Variants in KLHL2 observed in about 807,000 individuals in gnomAD.
The protein encoded by KLHL2 is kelch like family member 2.
Under a neutral mutation model 75.8 loss-of-function variants are expected in KLHL2, and 15 were observed. The ratio of observed to expected loss-of-function variants is 0.20; its 90% confidence interval spans 0.13 to 0.30. KLHL2 has a LOEUF of 0.30. Among genes scored for constraint, KLHL2 ranks in the 10% least tolerant of loss-of-function variants. KLHL2 has a pLI of 1.00. For synonymous variants in KLHL2, 214 were observed against 251.9 expected, an observed-to-expected ratio of 0.85 and a Z score of 1.42; for missense variants, 381 against 741.0, an observed-to-expected ratio of 0.51 and a Z score of 5.64.
rs149247179 is a variant in KLHL2, at chr4:165,288,993, A to G, written c.545-5366A>G. ...ACTAATAGTGATTGGCATCAAGAAC[A>G]TATAAAATAACAGGTGAGCTGCACT... On this transcript the variant is annotated intron_variant, in intron 5 of 14. Transcript: ENST00000226725. Among the ~76,000 whole-genome samples the G allele has an allele frequency of 9.5e-3, 1,450 of 152,308 alleles. 14 individuals are homozygous for G. The highest frequency in any genetic ancestry group is 0.022 in the South Asian group (108 of 4,828).
rs1282753167 is a variant in KLHL2, at chr4:165,263,511, G to T, written c.544+152G>T. 8.3e-6 allele frequency: 8 copies of T among 959,822 alleles called. No individual in the cohort carries two copies. The Admixed American group carries it at 2.4e-4, about 29-fold the overall frequency. 59.5% of individuals were successfully genotyped at this position (959,822 alleles called of 1,614,324 possible). A position where few individuals can be genotyped will look rare whatever the true frequency, so the allele number is the denominator to read the frequency against. On this transcript the variant is annotated intron_variant, in intron 5 of 14. Coordinates refer to ENST00000226725, the MANE Select transcript of KLHL2 (RefSeq NM_007246.4). The stretch of plus-strand genomic sequence containing the variant: ...CTTATAATGGTCACACTGCATAACT[G>T]AAGCATACTCATAAAATTCTGAACT...
chr4:165,297,581 T>A (rs1745012021), intron 6 of KLHL2, 28 bp from the exon 7 acceptor site: 1 of 1,346,854 alleles, frequency 7.4e-7, no homozygotes, highest in African/African-American at 1.4e-5. Flanking sequence ...TCATTTCTTA[T>A]TTTTTCTTCT....
At chr4:165,268,514 C>T (rs115088022) in intron 5 of KLHL2, among the ~76,000 whole-genome samples, 402 of 152,282 alleles carry the variant, frequency 2.6e-3, no homozygotes, top group Non-Finnish European at 4.8e-3. Flanking sequence ...TACATTCTGT[C>T]TTCGTTTTCA....
intron 4 of KLHL2, among the ~76,000 whole-genome samples, chr4:165,245,041 C>T (rs1047095859): frequency 6.6e-6 from 1 of 152,096 alleles, no homozygotes; most frequent in Non-Finnish European, 1.5e-5. Context: ...AACCTCATCT[C>T]CACTAAAATT....
chr4:165,263,521 C>T (rs1741873075), intron 5 of KLHL2, among the ~76,000 whole-genome samples, 162 bp downstream of exon 5: 2 of 152,000 alleles, frequency 1.3e-5, no homozygotes, highest in South Asian at 2.1e-4. Context: ...GAAGCATACT[C>T]ATAAAATTCT....
intron 5 of KLHL2, among the ~76,000 whole-genome samples, chr4:165,275,819 C>A (rs1044007095): frequency 3.3e-5 from 5 of 152,174 alleles, no homozygotes; most frequent in African/African-American, 9.7e-5. Context: ...AACAGGACTA[C>A]CTGTGGAGAA....
intron 4 of KLHL2, among the ~76,000 whole-genome samples, chr4:165,246,486 G>T (rs1019607849): frequency 2.0e-5 from 3 of 152,046 alleles, no homozygotes; most frequent in African/African-American, 7.3e-5. Flanking sequence ...ACCTGTTGGG[G>T]TAGGCTAAGT....
At chr4:165,297,751 A>G (rs531492054) in intron 7 of KLHL2, 26 bp downstream of exon 7, 3 of 1,320,314 alleles carry the variant, frequency 2.3e-6, no homozygotes, top group South Asian at 2.3e-5. Context: ...AAACATATGA[A>G]TCCACACAGC....
chr4:165,263,351 C>T lies in KLHL2; in HGVS notation c.536C>T (p.Thr179Ile). 11 of 1,613,682 alleles carry T rather than the reference C, an allele frequency of 6.8e-6. No homozygotes were observed. The highest frequency in any genetic ancestry group is 1.1e-5 in the South Asian group (1 of 91,066). ...ACCGACCTTCTGAACAAGGCCAACA[C>T]CTATGCAGGCAAGTGGAGTAGACCT... ...ACTDLLNKAN[T>I]YAEQHFADVV... The change falls in exon 5 of 15, where the codon ACC becomes ATC. Residue 179 changes from threonine to isoleucine, a missense_variant. By Grantham distance (89) the Thr-to-Ile change is moderately conservative (BLOSUM62 -1). Coordinates refer to ENST00000226725, the MANE Select transcript of KLHL2 (RefSeq NM_007246.4).
chr4:165,222,163 G>A (rs1355216601), intron 2 of KLHL2, among the ~76,000 whole-genome samples: 4 of 152,114 alleles, frequency 2.6e-5, no homozygotes, highest in Non-Finnish European at 5.9e-5. Context: ...CCCTTGGGGT[G>A]AATGACCTGA....
chr4:165,318,978 G>A (rs1424126636), intron 14 of KLHL2, among the ~76,000 whole-genome samples: 2 of 152,124 alleles, frequency 1.3e-5, no homozygotes, highest in African/African-American at 4.8e-5. Context: ...CAAAACATAT[G>A]CACACAAACT....
At chr4:165,241,672 A>C (rs1739828759) in intron 4 of KLHL2, among the ~76,000 whole-genome samples, 1 of 152,182 alleles carries the variant, frequency 6.6e-6, no homozygotes, top group Admixed American at 6.5e-5. Flanking sequence ...ATGCAGAATC[A>C]TTGTGCCGTA....
At chr4:165,306,662 T>G (rs1389242467) in intron 9 of KLHL2, among the ~76,000 whole-genome samples, 1 of 152,216 alleles carries the variant, frequency 6.6e-6, no homozygotes, top group Non-Finnish European at 1.5e-5. Flanking sequence ...GAAAAATGCC[T>G]TAATTTGTAC....
At chr4:165,311,903 A>G (rs1316250222) in intron 11 of KLHL2, among the ~76,000 whole-genome samples, 1 of 151,544 alleles carries the variant, frequency 6.6e-6, no homozygotes, top group Non-Finnish European at 1.5e-5. Flanking sequence ...TTTGACTTAT[A>G]TAACAGCAGT....
intron 1 of KLHL2, among the ~76,000 whole-genome samples, chr4:165,218,738 G>T (rs1737742064): frequency 6.6e-6 from 1 of 152,188 alleles, no homozygotes; most frequent in African/African-American, 2.4e-5. Context: ...ATTGCTGAAT[G>T]AATTAATGAA....
chr4:165,273,697 C>G (rs1430116940), intron 5 of KLHL2, among the ~76,000 whole-genome samples: 2 of 152,202 alleles, frequency 1.3e-5, no homozygotes, highest in Non-Finnish European at 2.9e-5. Context: ...TAAGGCCTCC[C>G]CAGCCATGTG....
At chr4:165,208,609 CATT>C (rs1310278922) in intron 1 of KLHL2, 2 of 152,076 alleles carry the variant, frequency 1.3e-5, no homozygotes, top group African/African-American at 4.8e-5. Flanking sequence ...ATAGCTGAAA[CATT>C]ATGTAGAAGA....
intron 3 of KLHL2, among the ~76,000 whole-genome samples, chr4:165,231,991 C>T (rs1289999590): frequency 6.6e-6 from 1 of 152,096 alleles, no homozygotes; most frequent in African/African-American, 2.4e-5. Context: ...TTTTAATTTG[C>T]ATTTTTCTAA....
intron 3 of KLHL2, among the ~76,000 whole-genome samples, chr4:165,234,642 A>T (rs1579007221): frequency 8.5e-6 from 1 of 117,654 alleles, no homozygotes. Context: ...TTTGAGATGG[A>T]GTCTCGCTCT....
Sources: gnomAD v4.1 joint callset for allele counts (sites outside exome capture counted in the v4.1 genomes callset) on GRCh38, gnomAD v4.1.1 for gene constraint, MANE v1.5 for transcripts, NCBI Gene and HGNC (gene_info 2026-07-23, HGNC 2026-07-21) for gene names.